KLHL12: variants seen among roughly 807,000 people sequenced by gnomAD.
KLHL12 encodes the protein kelch-like protein 12.
A neutral mutation model predicts 60.8 loss-of-function variants in KLHL12; 17 were observed. That is an observed-to-expected ratio of 0.28 (90% CI 0.19 to 0.42). KLHL12 has a LOEUF of 0.42. Among genes scored for constraint, KLHL12 ranks in the 10% least tolerant of loss-of-function variants. The pLI is 1.00. For synonymous variants in KLHL12, 220 were observed against 250.9 expected (o/e 0.88, Z 1.16); for missense variants, 468 against 722.3 (o/e 0.65, Z 4.04).
intron 2 of KLHL12, among the ~76,000 whole-genome samples, chr1:202,924,372 G>A (rs544861657): frequency 6.6e-6 from 1 of 152,280 alleles, no homozygotes. Context: ...ATATTGTTAG[G>A]AGGAGTGGGA....
chr1:202,901,476 A>C (rs11811101), intron 6 of KLHL12, among the ~76,000 whole-genome samples: 1 of 133,454 alleles, frequency 7.5e-6, no homozygotes, highest in African/African-American at 2.8e-5. Flanking sequence ...TTTTTTTTTA[A>C]TTTTTTAAAG....
chr1:202,899,532 C>T (rs957426588), intron 6 of KLHL12, among the ~76,000 whole-genome samples: 4 of 151,808 alleles, frequency 2.6e-5, no homozygotes, highest in Non-Finnish European at 4.4e-5. Context: ...TCAGCTCCTT[C>T]GAAAATCAAA....
rs1248664295 is a variant in KLHL12, at chr1:202,919,848, T to C, written c.256A>G (p.Ile86Val). Reference sequence around the variant, plus strand: ...TCTGTGTACACAAAGTCCAATAAAATTTCCATGGTAGAGGCAGTCAAACCT... The same window carrying C: ...TCTGTGTACACAAAGTCCAATAAAACTTCCATGGTAGAGGCAGTCAAACCT... ...IQGLTASTME[I>V]LLDFVYTETV... The change falls in exon 3 of 12, where the codon ATT becomes GTT. Residue 86 changes from isoleucine (I) to valine (V), a missense_variant. This residue lies in a region of KLHL12 where 339 missense variants were observed against 525.0 expected (regional missense o/e 0.65). Coordinates refer to ENST00000367261, the MANE Select transcript of KLHL12 (RefSeq NM_021633.4). 1.9e-6 allele frequency: 3 copies of C among 1,613,974 alleles called. 1 individual carries two copies. Among genetic ancestry groups the C allele is most frequent in the South Asian group, 2.2e-5 (2 of 91,060 alleles).
chr1:202,923,045 G>C (rs1033174181), intron 2 of KLHL12, among the ~76,000 whole-genome samples: 1 of 152,162 alleles, frequency 6.6e-6, no homozygotes, highest in Non-Finnish European at 1.5e-5. Flanking sequence ...ATACAGAATT[G>C]CTAAGAGAAC....
Position 202,927,225 on chromosome 1 carries a change from GT to G in KLHL12, c.-183del, listed in dbSNP as rs1653628146. On this transcript the variant is annotated 5_prime_UTR_variant, in exon 1 of 12. Transcript: ENST00000367261. ...CGGAGGCTCTGGAGGCTCTGGAGCC[GT>G]CCGGGTCTGGCCCCTGCGGCCGCGC... 1.0e-6 allele frequency: 1 copy of G among 985,034 alleles called. No homozygotes were observed. The allele number at this position is 985,034 out of a possible 1,614,324, so 61.0% of individuals were successfully genotyped here.
chr1:202,916,998 T>C (rs1660541875), intron 4 of KLHL12, among the ~76,000 whole-genome samples: 2 of 150,782 alleles, frequency 1.3e-5, no homozygotes, highest in Non-Finnish European at 3.0e-5. Flanking sequence ...AATTAAAGAA[T>C]TGGACCACTG....
intron 1 of KLHL12, among the ~76,000 whole-genome samples, chr1:202,925,836 C>G (rs1310631774): frequency 3.3e-5 from 5 of 152,080 alleles, no homozygotes; most frequent in African/African-American, 9.7e-5. Flanking sequence ...CCGGGCCCAA[C>G]AGCTCACTCC....
chr1:202,928,551 G>C (rs115969410), upstream of KLHL12: 28 of 1,303,928 alleles, frequency 2.1e-5, no homozygotes, highest in African/African-American at 4.2e-4. Context: ...CACGTCCATT[G>C]TCCACAATGG....
chr1:202,914,235 G>A (rs67039834), intron 4 of KLHL12, among the ~76,000 whole-genome samples: 32,752 of 152,102 alleles, frequency 0.22, 4,271 homozygotes, highest in East Asian at 0.53. Context: ...GGCTACTGTG[G>A]GTAGAACAGT....
In KLHL12 at chr1:202,891,210, T is replaced by TG. The variant is rs1659666220; in HGVS notation, c.*1322dup. ...TACAACTCAGGGAAAGAGGGAAAAA[T>TG]GGAATTTCAGAGCAAAGGTTGTTTA... On this transcript the variant is annotated 3_prime_UTR_variant, in exon 12 of 12. Coordinates refer to ENST00000367261, the MANE Select transcript of KLHL12 (RefSeq NM_021633.4). 6.6e-6 allele frequency: 1 copy of TG among 152,330 alleles called. No individual in the cohort carries two copies. The highest frequency in any genetic ancestry group is 1.5e-5 in the Non-Finnish European group (1 of 67,978). 9.4% of individuals were successfully genotyped at this position (152,330 alleles called of 1,614,324 possible). A position where few individuals can be genotyped will look rare whatever the true frequency, so the allele number is the denominator to read the frequency against.
chr1:202,917,006 C>T (rs1258973430), intron 4 of KLHL12, among the ~76,000 whole-genome samples: 1 of 151,562 alleles, frequency 6.6e-6, no homozygotes, highest in East Asian at 1.9e-4. Context: ...AATTGGACCA[C>T]TGGAGATCAA....
intron 1 of KLHL12, 114 bp from the exon 2 acceptor site, chr1:202,925,321 A>C: frequency 8.0e-7 from 1 of 1,255,426 alleles, no homozygotes; most frequent in Non-Finnish European, 1.1e-6. Flanking sequence ...CCAAACATAC[A>C]CAAGTTGAGG....
upstream of KLHL12, among the ~76,000 whole-genome samples, chr1:202,927,773 A>G (rs568204330): frequency 1.6e-4 from 24 of 148,060 alleles, no homozygotes; most frequent in African/African-American, 6.0e-4. Flanking sequence ...TGAGGTCAGG[A>G]GTTCGAGACC....
intron 6 of KLHL12, among the ~76,000 whole-genome samples, chr1:202,903,251 G>C (rs1273465163): frequency 1.3e-5 from 2 of 150,276 alleles, no homozygotes; most frequent in Non-Finnish European, 3.0e-5. Flanking sequence ...ACACTATAAA[G>C]GTGCCAACTC....
intron 7 of KLHL12, among the ~76,000 whole-genome samples, chr1:202,896,042 A>T (rs1659822068): frequency 6.6e-6 from 1 of 152,226 alleles, no homozygotes; most frequent in Non-Finnish European, 1.5e-5. Flanking sequence ...ATATCCTTCC[A>T]TAAAGTAGAA....
intron 6 of KLHL12, among the ~76,000 whole-genome samples, chr1:202,904,965 T>C (rs1288068789): frequency 6.6e-6 from 1 of 152,202 alleles, no homozygotes; most frequent in Non-Finnish European, 1.5e-5. Context: ...TTAATTTCCT[T>C]CTGCTGTATG....
chr1:202,905,684 C>T lies in KLHL12; in HGVS notation c.832+3326G>A, dbSNP rs557607639. ...TTCTTTGCACAACTATTTGCGCATC[C>T]CTAATTCAGAAACCCCAAATCCAAA... On this transcript the variant is annotated intron_variant, in intron 6 of 11. Transcript: ENST00000367261. 8.5e-5 allele frequency among the ~76,000 whole-genome samples: 13 copies of T among 152,290 alleles called. No homozygotes were observed. The South Asian group carries it at 2.7e-3, about 32-fold the overall frequency.
intron 6 of KLHL12, among the ~76,000 whole-genome samples, chr1:202,898,728 A>G (rs1179828895): frequency 6.6e-6 from 1 of 152,130 alleles, no homozygotes; most frequent in Non-Finnish European, 1.5e-5. Flanking sequence ...GGCTGGGAAA[A>G]ACCAAAACAG....
At position 202,918,399 on chromosome 1, in the gene KLHL12, C is replaced by T. The variant is rs1339593534; in HGVS notation, c.350-11G>A. The T allele has an allele frequency of 1.9e-6, 3 of 1,604,154 alleles. No individual in the cohort carries two copies. The African/African-American group carries it at 4.0e-5, about 21-fold the overall frequency. Reference sequence around the variant, plus strand: ...AGGCTTGTTTCACACCTAGGACAGACACAGGCAGCAAACACTTTAGAATAG... The same window carrying T: ...AGGCTTGTTTCACACCTAGGACAGATACAGGCAGCAAACACTTTAGAATAG... On this transcript the variant is annotated splice_polypyrimidine_tract_variant and intron_variant, in intron 3 of 11. Transcript: ENST00000367261.
Sources: gnomAD v4.1 joint callset for allele counts (sites outside exome capture counted in the v4.1 genomes callset) on GRCh38, gnomAD v4.1.1 for gene constraint, gnomAD v4.1.1 regional missense constraint, MANE v1.5 for transcripts, NCBI Gene and HGNC (gene_info 2026-07-23, HGNC 2026-07-21) for gene names.